The following CPEB3 variants were observed in gnomAD, a reference collection of about 807,000 sequenced individuals.
CPEB3 encodes cytoplasmic polyadenylation element-binding protein 3.
Under a neutral mutation model 67.2 loss-of-function variants are expected in CPEB3, and 20 were observed. The ratio of observed to expected loss-of-function variants is 0.30; its 90% CI spans 0.21 to 0.43. The LOEUF is 0.43. Ranked by LOEUF, CPEB3 falls within the 20% of genes least tolerant of loss-of-function variation. The probability of loss-of-function intolerance (pLI) is 1.00; values close to 1 mark genes in which losing one functional copy is unlikely to be tolerated. For synonymous variants in CPEB3, 376 were observed against 393.1 expected (o/e 0.96, Z 0.51); for missense variants, 746 against 968.6 (o/e 0.77, Z 3.05).
chr10:92,087,353 G>A (rs532043550), intron 8 of CPEB3, among the ~76,000 whole-genome samples: 7 of 152,276 alleles, frequency 4.6e-5, no homozygotes, highest in Middle Eastern at 3.4e-3. Context: ...AGAAAGGAAG[G>A]AATTATCACA....
chr10:92,223,951 G>T (rs751602572), intron 2 of CPEB3, among the ~76,000 whole-genome samples: 1 of 152,082 alleles, frequency 6.6e-6, no homozygotes, highest in African/African-American at 2.4e-5. Context: ...GTTTCACCAT[G>T]TTGGCTAGGT....
intron 5 of CPEB3, among the ~76,000 whole-genome samples, chr10:92,143,644 C>T (rs1277077032): frequency 1.3e-5 from 2 of 152,054 alleles, no homozygotes; most frequent in African/African-American, 2.4e-5. Context: ...ATATTACGTA[C>T]CCTATATAGA....
At chr10:92,069,193 T>A (rs890391147) in intron 9 of CPEB3, among the ~76,000 whole-genome samples, 1 of 152,204 alleles carries the variant, frequency 6.6e-6, no homozygotes, top group African/African-American at 2.4e-5. Context: ...ATATGGGTCA[T>A]ATTAGTCTTC....
chr10:92,268,960 G>A (rs1413318234), intron 1 of CPEB3, among the ~76,000 whole-genome samples: 2 of 152,190 alleles, frequency 1.3e-5, no homozygotes, highest in Non-Finnish European at 2.9e-5. Flanking sequence ...GGATTAGTCA[G>A]AGGGAGACAC....
intron 3 of CPEB3, among the ~76,000 whole-genome samples, chr10:92,183,128 T>G (rs1299029766): frequency 1.3e-5 from 2 of 152,188 alleles, no homozygotes; most frequent in Non-Finnish European, 2.9e-5. Flanking sequence ...TAAAATTATT[T>G]TCTTAGATTA....
chr10:92,187,441 T>C (rs1458347994), intron 3 of CPEB3, among the ~76,000 whole-genome samples: 1 of 152,202 alleles, frequency 6.6e-6, no homozygotes, highest in Non-Finnish European at 1.5e-5. Context: ...CAGGACTATT[T>C]TTCTGCTGTA....
At chr10:92,139,289 T>TAA (rs3048542) in intron 6 of CPEB3, among the ~76,000 whole-genome samples, 1,606 of 71,084 alleles carry the variant, frequency 0.023, 45 homozygotes, top group African/African-American at 0.055. Context: ...CACACACACA[T>TAA]AAAAAAAAAA....
rs371412431 is a variant in CPEB3 at position 92,052,453 on chromosome 10, G to C, written c.1870-14C>G. On this transcript the variant is annotated splice_polypyrimidine_tract_variant and intron_variant, in intron 9 of 9. Transcript: ENST00000265997. Reference sequence around the variant, plus strand: ...CTTTACTTCAACCTGGACCCAAAGAGGAAAGACAGAGAAAAATGATTTAGC... The same window carrying C: ...CTTTACTTCAACCTGGACCCAAAGACGAAAGACAGAGAAAAATGATTTAGC... The C allele has an allele frequency of 1.9e-6, 3 of 1,595,110 alleles. No individual in the cohort carries two copies. In the East Asian group the frequency reaches 6.8e-5, roughly 36 times the overall value.
At chr10:92,204,778 A>G (rs1301655282) in intron 2 of CPEB3, among the ~76,000 whole-genome samples, 1 of 152,162 alleles carries the variant, frequency 6.6e-6, no homozygotes, top group Non-Finnish European at 1.5e-5. Context: ...AATTGGATTA[A>G]ATAACCAAAA....
chr10:92,145,086 C>G lies in CPEB3; in HGVS notation c.1223-1G>C. 1 of 1,613,968 alleles carries G rather than the reference C, an allele frequency of 6.2e-7. No individual in the cohort carries two copies. Reference sequence around the variant, plus strand: ...CCATGGCTATCATCCAGGAAGGCATCTTCAAAGGGAAAGAGAGAAGATCGA... The same window carrying G: ...CCATGGCTATCATCCAGGAAGGCATGTTCAAAGGGAAAGAGAGAAGATCGA... On this transcript the variant is annotated splice_acceptor_variant, in intron 4 of 9. Coordinates refer to ENST00000265997, the MANE Select transcript of CPEB3 (RefSeq NM_014912.5). LOFTEE classifies it high-confidence loss of function.
intron 2 of CPEB3, among the ~76,000 whole-genome samples, chr10:92,195,041 C>CAA (rs375179343): frequency 6.6e-5 from 9 of 135,488 alleles, no homozygotes; most frequent in African/African-American, 2.8e-4. Context: ...GAGACTGTCT[C>CAA]AAAAAACACA....
chr10:92,155,301 TA>T (rs756485873), intron 4 of CPEB3, among the ~76,000 whole-genome samples: 1 of 152,196 alleles, frequency 6.6e-6, no homozygotes, highest in Admixed American at 6.5e-5. Context: ...TAGAGGGAAG[TA>T]ACATACATCA....
intron 9 of CPEB3, among the ~76,000 whole-genome samples, chr10:92,055,744 T>C (rs1842085253): frequency 1.4e-5 from 1 of 73,020 alleles, no homozygotes; most frequent in Non-Finnish European, 3.2e-5. Flanking sequence ...CTTAATATGG[T>C]GAAAAAAAAA....
At chr10:92,216,034 C>T (rs1457088688) in intron 2 of CPEB3, among the ~76,000 whole-genome samples, 1 of 120,600 alleles carries the variant, frequency 8.3e-6, no homozygotes, top group Non-Finnish European at 1.7e-5. Context: ...AGGCCTGAGC[C>T]ACCGCGCCCA....
rs1403938940 is a variant in CPEB3 at position 92,192,509 on chromosome 10, A to C, written c.1133T>G (p.Phe378Cys). 1.2e-6 allele frequency: 2 copies of C among 1,614,124 alleles called. No individual in the cohort carries two copies. The highest frequency in any genetic ancestry group is 3.3e-5 in the Admixed American group (2 of 60,018). ...HYPPSGPPMSFADIMWRNHFA... is the reference protein window; with the variant it reads ...HYPPSGPPMSCADIMWRNHFA... ...ATGATTCCTCCACATTATATCAGCG[A>C]AACTCATTGGTGGGCCACTGGGAGG... Residue 378 changes from phenylalanine to cysteine, a missense_variant, in exon 3 of 10, where the codon TTC (phenylalanine) becomes TGC (cysteine). Physicochemically the swap from Phe to Cys is radical, Grantham distance 205 (BLOSUM62 -2). Around this residue, in one of 2 missense-constraint regions of CPEB3, gnomAD observed 643 missense variants for 717.5 expected, o/e 0.90. Coordinates refer to ENST00000265997, the MANE Select transcript of CPEB3 (RefSeq NM_014912.5).
chr10:92,268,446 AG>A (rs1435326714), intron 1 of CPEB3, among the ~76,000 whole-genome samples: 5 of 152,182 alleles, frequency 3.3e-5, no homozygotes, highest in African/African-American at 1.2e-4. Context: ...TGGCCAATGT[AG>A]CAAGACTCCA....
chr10:92,167,001 G>A (rs1009906983), intron 4 of CPEB3, among the ~76,000 whole-genome samples: 3 of 152,178 alleles, frequency 2.0e-5, no homozygotes, highest in African/African-American at 7.2e-5. Flanking sequence ...GCACTTTTAT[G>A]TTATGGAGAC....
intron 1 of CPEB3, among the ~76,000 whole-genome samples, chr10:92,276,277 C>CTTTTTTTTTTTTT (rs769749643): frequency 2.8e-5 from 3 of 108,268 alleles, no homozygotes; most frequent in East Asian, 2.5e-4. Context: ...TTTTTCTTTT[C>CTTTTTTTTTTTTT]TTTTTTTTTT....
chr10:92,090,368 C>G (rs538592511), intron 8 of CPEB3, among the ~76,000 whole-genome samples: 1 of 152,100 alleles, frequency 6.6e-6, no homozygotes, highest in Non-Finnish European at 1.5e-5. Flanking sequence ...ATGGCAAAAC[C>G]CTGTTTCTAC....
Sources: gnomAD v4.1 joint callset for allele counts (sites outside exome capture counted in the v4.1 genomes callset) on GRCh38, gnomAD v4.1.1 for gene constraint, gnomAD v4.1.1 regional missense constraint, MANE v1.5 for transcripts, NCBI Gene and HGNC (gene_info 2026-07-23, HGNC 2026-07-21) for gene names.